The following SZT2 variants were observed in gnomAD, a reference collection of about 807,000 sequenced individuals.
The protein encoded by SZT2 is SZT2 subunit of KICSTOR complex, also known as KICSTOR complex protein SZT2.
Under a neutral mutation model 404.2 loss-of-function variants are expected in SZT2, and 216 were observed. The ratio of observed to expected loss-of-function variants is 0.53; its 90% confidence interval spans 0.48 to 0.60. The LOEUF (loss-of-function observed/expected upper bound fraction) is 0.60. Ranked by LOEUF, SZT2 falls within the 20% of genes least tolerant of loss-of-function variation. The pLI is 0.00. For synonymous variants in SZT2, 1,693 were observed against 1,749.9 expected, an observed-to-expected ratio of 0.97 and a Z score of 0.81; for missense variants, 3,857 against 4,459.2, an observed-to-expected ratio of 0.86 and a Z score of 3.85.
chr1:43,398,852 C>T (rs1481794785), intron 1 of SZT2, among the ~76,000 whole-genome samples: 2 of 152,052 alleles, frequency 1.3e-5, no homozygotes, highest in Non-Finnish European at 1.5e-5. Flanking sequence ...GAGGTGGAGG[C>T]GGGCAGATCA....
At chr1:43,399,516 C>T (rs1032927651) in intron 1 of SZT2, among the ~76,000 whole-genome samples, 2 of 141,672 alleles carry the variant, frequency 1.4e-5, no homozygotes, top group Non-Finnish European at 3.0e-5. Context: ...GGCTGGAGTG[C>T]AGTGGCGTGA....
rs757799326 is a variant in SZT2 at position 43,427,675 on chromosome 1, G to A, written c.3744G>A (p.Ala1248=). Residue 1248 remains alanine, a synonymous_variant, in exon 26 of 72, where the codon GCG becomes GCA. Transcript: ENST00000634258. Reference sequence around the variant, plus strand: ...ACATCTACAGCTGTTCACTGGAAGCGCTGAGGGAACAAATGGTTGGCATGC... The same window carrying A: ...ACATCTACAGCTGTTCACTGGAAGCACTGAGGGAACAAATGGTTGGCATGC... ...PVYIYSCSLE[A]LREQMVGMQP... 4.3e-6 allele frequency: 7 copies of A among 1,614,106 alleles called. No individual in the cohort carries two copies. The highest frequency in any genetic ancestry group is 2.2e-5 in the East Asian group (1 of 44,864).
In SZT2 at chr1:43,424,820, T is replaced by C. The variant is rs1399301514; in HGVS notation, c.2508T>C (p.Ser836=). 2 of 1,613,958 alleles carry C rather than the reference T, an allele frequency of 1.2e-6. No homozygotes were observed. The highest frequency in any genetic ancestry group is 3.3e-5 in the Admixed American group (2 of 59,996). ...CTGAAGGATTCCACTTCGCCTGCAG[T>C]GGGGAAGGAATCATCAACATGGTTC... is the stretch of plus-strand genomic sequence containing the variant. ...RLSEGFHFAC[S]GEGIINMVLE... is the part of the protein sequence containing the mutation. Residue 836 remains serine (S), a synonymous_variant, in exon 17 of 72, where the codon AGT becomes AGC. Transcript: ENST00000634258. This position sits in a 1 kb window ranked among gnomAD's most constrained non-coding sequence, Gnocchi z 4.1.
intron 1 of SZT2, among the ~76,000 whole-genome samples, chr1:43,395,039 T>C (rs1181327782): frequency 6.6e-6 from 1 of 152,230 alleles, no homozygotes; most frequent in African/African-American, 2.4e-5. Context: ...CTAGACTTCA[T>C]TGTGCCTTTG....
chr1:43,394,969 A>G (rs1648821367), intron 1 of SZT2, among the ~76,000 whole-genome samples: 1 of 152,208 alleles, frequency 6.6e-6, no homozygotes, highest in Non-Finnish European at 1.5e-5. Flanking sequence ...AGACTAGGCA[A>G]ATGTTCAGCA....
At position 43,437,558 on chromosome 1, in the gene SZT2, G is replaced by C; in HGVS notation, c.6291-37G>C. Reference sequence around the variant, plus strand: ...AGGGCATGAATTAAGGATGGCCTGGGAGGAGGCATGTCCAAAGACATGCTG... The same window carrying C: ...AGGGCATGAATTAAGGATGGCCTGGCAGGAGGCATGTCCAAAGACATGCTG... On this transcript the variant is annotated intron_variant, in intron 44 of 71. Transcript: ENST00000634258. The surrounding 1 kb of genome is among the most constrained non-coding windows in gnomAD (Gnocchi z 5.3). 1 of 1,614,024 alleles carries C rather than the reference G, an allele frequency of 6.2e-7. No homozygotes were observed. Among genetic ancestry groups the C allele is most frequent in the African/African-American group, 1.3e-5 (1 of 75,042 alleles).
Position 43,450,792 on chromosome 1 carries a change from G to A in SZT2, c.*312G>A, listed in dbSNP as rs1473611666. On this transcript the variant is annotated 3_prime_UTR_variant, in exon 72 of 72. Coordinates refer to ENST00000634258, the MANE Select transcript of SZT2 (RefSeq NM_001365999.1). The surrounding 1 kb of genome is among the most constrained non-coding windows in gnomAD (Gnocchi z 4.3). ...GTAGAGTCTCGGGAGTTCACACAGG[G>A]TGGCAAACACCCCCTAGAGCTCCTC... 1 of 710,018 alleles carries A rather than the reference G, an allele frequency of 1.4e-6. No homozygotes were observed. The highest frequency in any genetic ancestry group is 1.7e-5 in the African/African-American group (1 of 58,006). The allele number at this position is 710,018 out of a possible 1,614,324, so 44.0% of individuals were successfully genotyped here.
rs538163430 is a variant in SZT2, at chr1:43,390,993, G to T, written c.27+998G>T. On this transcript the variant is annotated intron_variant, in intron 1 of 71. Coordinates refer to ENST00000634258, the MANE Select transcript of SZT2 (RefSeq NM_001365999.1). ...GACACTGTATCATCTCCTTTTTTTA[G>T]TTTAGGAACTGAGGCACAGAGATAT... Among the ~76,000 whole-genome samples the T allele has an allele frequency of 2.0e-5, 3 of 152,116 alleles. No individual in the cohort carries two copies. The South Asian group carries it at 6.2e-4, about 32-fold the overall frequency.
In SZT2 at chr1:43,420,005, T is replaced by C; in HGVS notation, c.1090+61T>C. On this transcript the variant is annotated intron_variant, in intron 8 of 71. Transcript: ENST00000634258. The surrounding 1 kb of genome is among the most constrained non-coding windows in gnomAD (Gnocchi z 5.1). ...GAATATAGAATGGGCCCAGAGATGA[T>C]GGGGCCCTGGAGGACTGAAAGTGTA... The C allele has an allele frequency of 6.3e-7, 1 of 1,581,564 alleles. No homozygotes were observed. Among genetic ancestry groups the C allele is most frequent in the Non-Finnish European group, 8.6e-7 (1 of 1,166,364 alleles).
intron 63 of SZT2, 88 bp downstream of exon 63, chr1:43,446,072 C>G: frequency 6.3e-7 from 1 of 1,582,852 alleles, no homozygotes. Flanking sequence ...GTACCGAGGT[C>G]ACTGATCCCA....
chr1:43,451,147 A>G lies in SZT2; in HGVS notation c.*667A>G, dbSNP rs776092884. 23 of 1,199,922 alleles carry G rather than the reference A, an allele frequency of 1.9e-5. No homozygotes were observed. In the South Asian group the frequency reaches 2.2e-4, roughly 11 times the overall value. The allele number at this position is 1,199,922 out of a possible 1,614,324, so 74.3% of individuals were successfully genotyped here. A position where few individuals can be genotyped will look rare whatever the true frequency, so the allele number is the denominator to read the frequency against. ...TGTCCCACCACCCCATTACAGAGACATATGACAATGTTCAGCAGGTCATCT... is the reference window on the plus strand; with the variant it reads ...TGTCCCACCACCCCATTACAGAGACGTATGACAATGTTCAGCAGGTCATCT... On this transcript the variant is annotated 3_prime_UTR_variant, in exon 72 of 72. Transcript: ENST00000634258.
Position 43,402,508 on chromosome 1 carries a change from G to A in SZT2, c.28-669G>A, listed in dbSNP as rs559526840. ...TGCCATAGTATATGTGTGGATAAGG[G>A]AAAATGTCAGATTCATCCCCAGATA... On this transcript the variant is annotated intron_variant, in intron 1 of 71. Transcript: ENST00000634258. Among the ~76,000 whole-genome samples the A allele has an allele frequency of 2.6e-5, 4 of 152,296 alleles. No individual in the cohort carries two copies. In the East Asian group the frequency reaches 7.7e-4, roughly 29 times the overall value.
chr1:43,448,572 G>C lies in SZT2; in HGVS notation c.9970-40G>C. 6.2e-7 allele frequency: 1 copy of C among 1,613,916 alleles called. No homozygotes were observed. The highest frequency in any genetic ancestry group is 8.5e-7 in the Non-Finnish European group (1 of 1,179,838). ...GGCAGAGGGCACAGGAATCTGAGGT[G>C]ACTGGCACAGAAGACTCAGGCCTGT... is the stretch of plus-strand genomic sequence containing the variant. On this transcript the variant is annotated intron_variant, in intron 69 of 71. Coordinates refer to ENST00000634258, the MANE Select transcript of SZT2 (RefSeq NM_001365999.1). This position sits in a 1 kb window ranked among gnomAD's most constrained non-coding sequence, Gnocchi z 4.2.
chr1:43,428,340 C>T lies in SZT2; in HGVS notation c.4020C>T (p.Thr1340=), dbSNP rs1229621260. Residue 1340 remains threonine, a synonymous_variant, in exon 28 of 72, where the codon ACC becomes ACT. Transcript: ENST00000634258. ...AGCTACTACAAGAAATAGACATCAC[C>T]CCATTTCTCCTTGCATTGTGTGGCC... The part of the protein sequence containing the change: ...CEELLQEIDI[T]PFLLALCGHT... 8.7e-6 allele frequency: 14 copies of T among 1,614,130 alleles called. No homozygotes were observed. Among genetic ancestry groups the T allele is most frequent in the Non-Finnish European group, 1.2e-5 (14 of 1,180,018 alleles).
chr1:43,442,674 GA>G lies in SZT2; in HGVS notation c.8151+61del. ...TTGGCTACTGAGGGGTCAGTTAAAG[GA>G]AAAACCAGCTCAGAAGCCAGAAAGA... On this transcript the variant is annotated intron_variant, in intron 58 of 71. Coordinates refer to ENST00000634258, the MANE Select transcript of SZT2 (RefSeq NM_001365999.1). This position sits in a 1 kb window ranked among gnomAD's most constrained non-coding sequence, Gnocchi z 4.5. 1 of 1,541,274 alleles carries G rather than the reference GA, an allele frequency of 6.5e-7. No homozygotes were observed.
intron 65 of SZT2, 139 bp downstream of exon 65, chr1:43,446,555 T>G (rs1356497079): frequency 4.0e-6 from 4 of 1,010,276 alleles, no homozygotes; most frequent in Non-Finnish European, 5.9e-6. Flanking sequence ...ATGGCCTGGC[T>G]AGGTCAGTGC....
chr1:43,400,872 CAAA>C (rs745338229), intron 1 of SZT2, among the ~76,000 whole-genome samples: 1 of 123,382 alleles, frequency 8.1e-6, no homozygotes, highest in Non-Finnish European at 1.8e-5. Flanking sequence ...AACTCCGTCT[CAAA>C]AAAAAAAAAA....
rs572302643 is a variant in SZT2 at position 43,429,924 on chromosome 1, G to C, written c.4308+80G>C. On this transcript the variant is annotated intron_variant, in intron 29 of 71. Transcript: ENST00000634258. ...GACAGGATTCTCTCCTGGGCGGGGG[G>C]TATGCATGTGTCCTGCTCTAGGGTA... 26 of 1,611,722 alleles carry C rather than the reference G, an allele frequency of 1.6e-5. 1 individual carries two copies. The highest frequency in any genetic ancestry group is 8.8e-5 in the South Asian group (8 of 91,022).
intron 3 of SZT2, 200 bp from the exon 4 acceptor site, chr1:43,404,180 G>C (rs145472422): frequency 5.2e-6 from 3 of 574,450 alleles, no homozygotes; most frequent in East Asian, 5.8e-5. Context: ...GCGCTCTAGC[G>C]TGGGCAACAA....
Sources: allele counts gnomAD v4.1 joint callset (sites outside exome capture counted in the v4.1 genomes callset), GRCh38; gene constraint gnomAD v4.1.1; non-coding constraint Gnocchi (gnomAD v3.1); transcripts MANE v1.5; gene names NCBI Gene and HGNC (gene_info 2026-07-23, HGNC 2026-07-21).